POSTN: variants seen among roughly 807,000 people sequenced by gnomAD.
POSTN encodes osteoblast specific factor 2 (fasciclin I-like).
In POSTN, 71 loss-of-function variants were observed where a neutral mutation model predicts 104.5. That is an observed-to-expected ratio of 0.68 (90% confidence interval 0.56 to 0.83). The LOEUF (loss-of-function observed/expected upper bound fraction) is 0.83, where lower values mean the gene tolerates loss of function less well. POSTN is among the 40% of genes least tolerant of loss of function. POSTN has a pLI of 0.00. For synonymous variants in POSTN, 355 were observed against 340.7 expected, an observed-to-expected ratio of 1.04 and a Z score of -0.46; for missense variants, 949 against 1,006.8, an observed-to-expected ratio of 0.94 and a Z score of 0.78.
chr13:37,569,517 T>C, intron 20 of POSTN, 134 bp from the exon 21 acceptor site: 1 of 833,690 alleles, frequency 1.2e-6, no homozygotes, highest in Non-Finnish European at 2.0e-6. Context: ...CAAATTTTAG[T>C]GCTGTTTTCT....
chr13:37,573,817 G>T (rs1175143715), intron 17 of POSTN, among the ~76,000 whole-genome samples: 2 of 151,478 alleles, frequency 1.3e-5, no homozygotes, highest in African/African-American at 4.8e-5. Flanking sequence ...TAAAATACAT[G>T]AAATGAAAGT....
intron 3 of POSTN, among the ~76,000 whole-genome samples, chr13:37,591,479 G>A (rs9576312): frequency 0.58 from 87,782 of 151,888 alleles, 25,721 homozygotes; most frequent in East Asian, 0.85. Context: ...GTATTCAGAA[G>A]AAAGATTACT....
At chr13:37,595,429 A>C (rs1951057445) in intron 2 of POSTN, among the ~76,000 whole-genome samples, 1 of 152,190 alleles carries the variant, frequency 6.6e-6, no homozygotes, top group South Asian at 2.1e-4. Context: ...TCAGGTCAAA[A>C]GATAACATCA....
intron 3 of POSTN, among the ~76,000 whole-genome samples, chr13:37,591,684 AT>A (rs919275882): frequency 5.5e-4 from 83 of 150,016 alleles, no homozygotes; most frequent in African/African-American, 1.0e-3. Context: ...TAGATGAGCT[AT>A]TTTTTTTTTC....
chr13:37,596,866 T>C (rs1449342310), intron 2 of POSTN, among the ~76,000 whole-genome samples: 2 of 152,116 alleles, frequency 1.3e-5, no homozygotes, highest in African/African-American at 2.4e-5. Context: ...TTGCCTAAGA[T>C]AAAAGAGGGC....
At chr13:37,580,039 A>C in intron 11 of POSTN, 48 bp from the exon 12 acceptor site, 1 of 1,553,348 alleles carries the variant, frequency 6.4e-7, no homozygotes, top group African/African-American at 1.4e-5. Context: ...AGATTTAGGT[A>C]TGTTCACCTA....
chr13:37,570,017 T>C (rs1047565039), intron 19 of POSTN, among the ~76,000 whole-genome samples, 196 bp from the exon 20 acceptor site: 2 of 151,932 alleles, frequency 1.3e-5, no homozygotes, highest in South Asian at 4.1e-4. Context: ...TAAAACTTTA[T>C]TTCCATAAAT....
At chr13:37,589,046 T>C (rs1950845194) in intron 4 of POSTN, among the ~76,000 whole-genome samples, 1 of 152,166 alleles carries the variant, frequency 6.6e-6, no homozygotes, top group Admixed American at 6.5e-5. Context: ...TTGACACTGG[T>C]ACTGCCAATT....
intron 21 of POSTN, among the ~76,000 whole-genome samples, chr13:37,567,067 T>C (rs1388809752): frequency 6.8e-6 from 1 of 147,710 alleles, no homozygotes; most frequent in Non-Finnish European, 1.5e-5. Context: ...AAACCCCGTC[T>C]CTACTAAAAA....
chr13:37,580,871 A>G (rs1950565744), intron 10 of POSTN, among the ~76,000 whole-genome samples, 174 bp from the exon 11 acceptor site: 1 of 152,144 alleles, frequency 6.6e-6, no homozygotes, highest in South Asian at 2.1e-4. Flanking sequence ...AACTCACAAG[A>G]CACTTCTTAT....
intron 15 of POSTN, among the ~76,000 whole-genome samples, chr13:37,578,593 C>G (rs574296597): frequency 6.6e-6 from 1 of 151,702 alleles, no homozygotes; most frequent in Non-Finnish European, 1.5e-5. Context: ...GTCAGGAGAT[C>G]GAGACCATCC....
At chr13:37,574,760 G>A (rs1950359005) in intron 16 of POSTN, 108 bp from the exon 17 acceptor site, 13 of 1,336,726 alleles carry the variant, frequency 9.7e-6, no homozygotes, top group Non-Finnish European at 1.3e-5. Context: ...CTAAGGCACA[G>A]GATGTGGTAA....
intron 2 of POSTN, 114 bp from the exon 3 acceptor site, chr13:37,592,278 C>A: frequency 1.5e-6 from 1 of 688,564 alleles, no homozygotes; most frequent in Non-Finnish European, 2.3e-6. Context: ...TTCTAAAAAT[C>A]AGGTTTTTTT....
At chr13:37,567,774 TACTTA>T (rs1166168119) in intron 21 of POSTN, among the ~76,000 whole-genome samples, 1 of 152,160 alleles carries the variant, frequency 6.6e-6, no homozygotes, top group Non-Finnish European at 1.5e-5. Context: ...GAATGTCATA[TACTTA>T]ACTTGTAGCA....
At chr13:37,581,738 T>G (rs1950595998) in intron 10 of POSTN, among the ~76,000 whole-genome samples, 1 of 151,592 alleles carries the variant, frequency 6.6e-6, no homozygotes, top group Admixed American at 6.6e-5. Flanking sequence ...AAAAAAAAAG[T>G]ACATTAAAAC....
intron 2 of POSTN, among the ~76,000 whole-genome samples, chr13:37,593,923 C>T (rs1187833837): frequency 6.6e-6 from 1 of 151,424 alleles, no homozygotes; most frequent in East Asian, 1.9e-4. Flanking sequence ...ATAAAAAATT[C>T]CTGGCATGAA....
At chr13:37,582,825 A>G (rs918187874) in intron 9 of POSTN, among the ~76,000 whole-genome samples, 7 of 152,200 alleles carry the variant, frequency 4.6e-5, no homozygotes, top group Admixed American at 3.3e-4. Context: ...AATGGTGGCC[A>G]AGGCTTTGTC....
chr13:37,569,562 A>G (rs1311326485), intron 20 of POSTN, 179 bp from the exon 21 acceptor site: 7 of 797,186 alleles, frequency 8.8e-6, no homozygotes, highest in Non-Finnish European at 1.5e-5. Context: ...TGTTGAACAA[A>G]ATACTGTATA....
chr13:37,580,102 G>T (rs1313804851), intron 11 of POSTN, 111 bp from the exon 12 acceptor site: 1 of 989,258 alleles, frequency 1.0e-6, no homozygotes, highest in Non-Finnish European at 1.5e-6. Flanking sequence ...TGAGAGAACT[G>T]CTCATACATT....
Sources: gnomAD v4.1 joint callset for allele counts (sites outside exome capture counted in the v4.1 genomes callset) on GRCh38, gnomAD v4.1.1 for gene constraint, MANE v1.5 for transcripts, NCBI Gene and HGNC (gene_info 2026-07-23, HGNC 2026-07-21) for gene names.